Variants in NELL1 observed in about 807,000 individuals in gnomAD.
The protein encoded by NELL1 is neural EGFL like 1.
NELL1 carries 76 observed loss-of-function variants against 107.4 expected under a neutral mutation model. The ratio of observed to expected loss-of-function variants is 0.71; its 90% CI spans 0.59 to 0.86. The LOEUF (loss-of-function observed/expected upper bound fraction) is 0.86. NELL1 is among the 40% of genes least tolerant of loss of function. The pLI, the probability that NELL1 is intolerant of heterozygous loss-of-function variation, is 0.00. For synonymous variants in NELL1, 353 were observed against 341.2 expected (o/e 1.03, Z -0.38); for missense variants, 1,024 against 1,005.5 (o/e 1.02, Z -0.25).
chr11:21,482,279 C>T (rs1299904864), intron 15 of NELL1, among the ~76,000 whole-genome samples: 1 of 152,048 alleles, frequency 6.6e-6, no homozygotes, highest in Admixed American at 6.6e-5. Context: ...TCCAACAGAC[C>T]CCACGCTTTT....
At chr11:21,073,165 T>G (rs1854055767) in intron 12 of NELL1, among the ~76,000 whole-genome samples, 1 of 152,152 alleles carries the variant, frequency 6.6e-6, no homozygotes, top group African/African-American at 2.4e-5. Flanking sequence ...CTGATTACCT[T>G]GGAGGCAGAT....
chr11:20,931,338 G>A (rs80241434), intron 9 of NELL1, among the ~76,000 whole-genome samples: 58 of 152,294 alleles, frequency 3.8e-4, no homozygotes, highest in African/African-American at 1.3e-3. Flanking sequence ...GAGAAGAAGA[G>A]AATGAGGATT....
intron 2 of NELL1, among the ~76,000 whole-genome samples, chr11:20,763,424 T>C (rs1856465272): frequency 6.6e-6 from 1 of 152,124 alleles, no homozygotes; most frequent in Non-Finnish European, 1.5e-5. Context: ...AGAAATATTC[T>C]CATTAGTCAC....
chr11:21,027,113 T>G (rs898900472), intron 12 of NELL1, among the ~76,000 whole-genome samples: 3 of 151,820 alleles, frequency 2.0e-5, no homozygotes, highest in African/African-American at 7.3e-5. Context: ...AAGCAAGGTT[T>G]AGGACAAAAA....
chr11:20,930,880 A>G (rs539522410), intron 9 of NELL1, among the ~76,000 whole-genome samples: 1 of 150,678 alleles, frequency 6.6e-6, no homozygotes, highest in Non-Finnish European at 1.5e-5. Flanking sequence ...CACAGCTCTG[A>G]TTGGTAGTTT....
intron 14 of NELL1, among the ~76,000 whole-genome samples, chr11:21,332,511 GT>G (rs1478145692): frequency 6.6e-6 from 1 of 151,764 alleles, no homozygotes; most frequent in Admixed American, 6.6e-5. Flanking sequence ...GCTACTCCTT[GT>G]TTGATGTCTG....
chr11:21,561,503 A>G (rs928009094), intron 17 of NELL1, among the ~76,000 whole-genome samples: 1 of 152,092 alleles, frequency 6.6e-6, no homozygotes, highest in Non-Finnish European at 1.5e-5. Flanking sequence ...TACTTCTTAC[A>G]GCACTACTTT....
At chr11:21,406,749 C>T (rs1852246590) in intron 15 of NELL1, among the ~76,000 whole-genome samples, 1 of 151,980 alleles carries the variant, frequency 6.6e-6, no homozygotes, top group Admixed American at 6.6e-5. Flanking sequence ...TATTCTGACA[C>T]ATGCATACAG....
intron 16 of NELL1, among the ~76,000 whole-genome samples, chr11:21,551,855 C>T (rs369587177): frequency 0.012 from 1,780 of 150,606 alleles, 32 homozygotes; most frequent in East Asian, 0.072. Flanking sequence ...TATTGCGGCA[C>T]TATTCACAAT....
rs540646917 is a variant in NELL1, at chr11:21,128,633, T to A, written c.1426+14919T>A. Among the ~76,000 whole-genome samples the A allele has an allele frequency of 7.9e-5, 12 of 152,272 alleles. No individual in the cohort carries two copies. The East Asian group carries it at 1.7e-3, about 22-fold the overall frequency. ...AGATCGTCCATTTAATTGGTTATAA[T>A]AAAAATGCGGCATTGATTAGAAGAG... On this transcript the variant is annotated intron_variant, in intron 13 of 19. Transcript: ENST00000357134.
chr11:20,697,383 T>TAATA (rs1854647201), intron 2 of NELL1, among the ~76,000 whole-genome samples: 1 of 146,072 alleles, frequency 6.8e-6, no homozygotes, highest in Non-Finnish European at 1.5e-5. Flanking sequence ...GTGCAAATTC[T>TAATA]TTAATATGTT....
At chr11:20,766,886 G>T (rs1389376033) in intron 2 of NELL1, among the ~76,000 whole-genome samples, 2 of 152,114 alleles carry the variant, frequency 1.3e-5, no homozygotes, top group Non-Finnish European at 2.9e-5. Context: ...GGGATTACAG[G>T]CGTGCACCAC....
At chr11:20,919,396 A>G (rs373055311) in intron 7 of NELL1, 62 bp downstream of exon 7, 2 of 1,035,974 alleles carry the variant, frequency 1.9e-6, no homozygotes, top group Admixed American at 1.9e-5. Context: ...TGGAATTTGG[A>G]GTGATATGTT....
chr11:20,890,349 C>A (rs113319737), intron 5 of NELL1, among the ~76,000 whole-genome samples: 3,944 of 152,172 alleles, frequency 0.026, 168 homozygotes, highest in African/African-American at 0.09. Flanking sequence ...ACAAAAACCC[C>A]ATCCAAAGGT....
intron 13 of NELL1, among the ~76,000 whole-genome samples, chr11:21,218,749 T>G (rs1857679979): frequency 6.6e-6 from 1 of 152,202 alleles, no homozygotes; most frequent in Non-Finnish European, 1.5e-5. Flanking sequence ...GTATTCATCT[T>G]TCTGTGCATG....
intron 15 of NELL1, among the ~76,000 whole-genome samples, chr11:21,443,399 G>T (rs1347337568): frequency 6.6e-6 from 1 of 152,072 alleles, no homozygotes; most frequent in African/African-American, 2.4e-5. Flanking sequence ...TGTGTGCACT[G>T]ACTATAAGTT....
intron 14 of NELL1, among the ~76,000 whole-genome samples, chr11:21,348,530 A>G (rs1252910381): frequency 6.6e-6 from 1 of 152,152 alleles, no homozygotes; most frequent in Admixed American, 6.6e-5. Flanking sequence ...TTAAGCATTT[A>G]TTTCTTGATT....
chr11:20,764,691 C>T (rs1198051532), intron 2 of NELL1, among the ~76,000 whole-genome samples: 1 of 150,264 alleles, frequency 6.7e-6, no homozygotes, highest in Non-Finnish European at 1.5e-5. Flanking sequence ...TTCTGATGCA[C>T]AGTGAGTGCT....
Position 20,970,053 on chromosome 11 carries a change from G to GTCCATCCA in NELL1, c.1300+9529_1300+9536dup, listed in dbSNP as rs3046320. 2.3e-3 allele frequency among the ~76,000 whole-genome samples: 291 copies of GTCCATCCA among 126,050 alleles called. 2 individuals carry two copies. The highest frequency in any genetic ancestry group is 2.2e-3 in the Non-Finnish European group (135 of 60,814). 82.7% of individuals were successfully genotyped at this position (126,050 alleles called of 152,430 possible). ...ATATAAATATCTAATCTATCTCTCT[G>GTCCATCCA]TCCATCCATCCATCCATCCATCCAT... On this transcript the variant is annotated intron_variant, in intron 12 of 19. Transcript: ENST00000357134.
Sources: allele counts gnomAD v4.1 joint callset (sites outside exome capture counted in the v4.1 genomes callset), GRCh38; gene constraint gnomAD v4.1.1; transcripts MANE v1.5; gene names NCBI Gene and HGNC (gene_info 2026-07-23, HGNC 2026-07-21).